STAG1: variants seen among roughly 807,000 people sequenced by gnomAD.
The protein encoded by STAG1 is cohesin subunit SA-1.
A neutral mutation model predicts 170.9 loss-of-function variants in STAG1; 26 were observed. The observed-to-expected ratio is 0.15, with a 90% CI of 0.11 to 0.21. The LOEUF (loss-of-function observed/expected upper bound fraction) is 0.21, where lower values mean the gene tolerates loss of function less well. Ranked by LOEUF, STAG1 falls within the 10% of genes least tolerant of loss-of-function variation. STAG1 has a pLI of 1.00. For synonymous variants in STAG1, 514 were observed against 497.7 expected (o/e 1.03, Z -0.44); for missense variants, 964 against 1,509.5 (o/e 0.64, Z 5.99).
chr3:136,545,413 C>G (rs533512013), intron 5 of STAG1, among the ~76,000 whole-genome samples: 1 of 152,100 alleles, frequency 6.6e-6, no homozygotes, highest in Non-Finnish European at 1.5e-5. Flanking sequence ...AAACAGCAAA[C>G]TGTAAATCAA....
chr3:136,631,081 G>T, intron 1 of STAG1, 100 bp from the exon 2 acceptor site: 1 of 560,750 alleles, frequency 1.8e-6, no homozygotes, highest in Non-Finnish European at 3.1e-6. Flanking sequence ...CACACTACTT[G>T]GCATTTACCC....
intron 7 of STAG1, among the ~76,000 whole-genome samples, chr3:136,506,968 T>C (rs1440017661): frequency 2.0e-5 from 3 of 152,246 alleles, no homozygotes; most frequent in Non-Finnish European, 4.4e-5. Context: ...TGCTATCATT[T>C]GTGCAAAAGA....
chr3:136,528,896 C>T (rs1290537429), intron 6 of STAG1, among the ~76,000 whole-genome samples: 1 of 151,792 alleles, frequency 6.6e-6, no homozygotes, highest in Non-Finnish European at 1.5e-5. Context: ...TGCCACTGCA[C>T]TCCAGTCTGT....
intron 2 of STAG1, among the ~76,000 whole-genome samples, chr3:136,628,510 G>A (rs113606471): frequency 2.6e-5 from 4 of 151,960 alleles, no homozygotes; most frequent in Non-Finnish European, 5.9e-5. Flanking sequence ...CAAACATATC[G>A]CAGGGTCCTT....
At chr3:136,532,356 A>G (rs1419577524) in intron 6 of STAG1, among the ~76,000 whole-genome samples, 1 of 152,058 alleles carries the variant, frequency 6.6e-6, no homozygotes, top group Non-Finnish European at 1.5e-5. Flanking sequence ...CTGTGGCCTT[A>G]TCTGGTTTTG....
intron 1 of STAG1, among the ~76,000 whole-genome samples, chr3:136,637,986 C>T (rs1940639826): frequency 6.6e-6 from 1 of 151,784 alleles, no homozygotes; most frequent in South Asian, 2.1e-4. Context: ...TGATCCTGGC[C>T]ACAGCCTCCA....
intron 1 of STAG1, among the ~76,000 whole-genome samples, chr3:136,672,353 A>G (rs3856637): frequency 0.29 from 43,801 of 152,230 alleles, 6,361 homozygotes; most frequent in Middle Eastern, 0.33. Flanking sequence ...AGTGAGGGTT[A>G]AATAATAAAA....
Position 136,481,949 on chromosome 3 carries a change from C to T in STAG1, c.903-4537G>A, listed in dbSNP as rs375705014. Among the ~76,000 whole-genome samples the T allele has an allele frequency of 4.2e-3, 234 of 56,010 alleles. 29 individuals carry two copies. Among genetic ancestry groups the T allele is most frequent in the African/African-American group, 0.013 (224 of 17,414 alleles). 36.7% of individuals were successfully genotyped at this position (56,010 alleles called of 152,430 possible). A position where few individuals can be genotyped will look rare whatever the true frequency, so the allele number is the denominator to read the frequency against. ...ATATCCCCTTTATCATTTTTTATTG[C>T]GTCTATTTGATTCTTCTCTTTTTTC... On this transcript the variant is annotated intron_variant, in intron 9 of 33. Coordinates refer to ENST00000383202, the MANE Select transcript of STAG1 (RefSeq NM_005862.3).
intron 1 of STAG1, among the ~76,000 whole-genome samples, chr3:136,666,348 C>T (rs1257363415): frequency 6.6e-6 from 1 of 152,040 alleles, no homozygotes; most frequent in Non-Finnish European, 1.5e-5. Flanking sequence ...GCCCTCTGAA[C>T]TTCAGACCTA....
Position 136,608,651 on chromosome 3 carries a change from T to C in STAG1, c.133-4178A>G, listed in dbSNP as rs1160997240. Among the ~76,000 whole-genome samples the C allele has an allele frequency of 0.01, 1,174 of 112,760 alleles. No homozygotes were observed. The Middle Eastern group carries it at 0.1, about 10-fold the overall frequency. The allele number at this position is 112,760 out of a possible 152,430, so 74.0% of individuals were successfully genotyped here. ...GCAACATGGCAAAAGCCCATCTCTA[T>C]AAAGTTAGCTAGGGTAGTAGTGTGT... On this transcript the variant is annotated intron_variant, in intron 3 of 33. Coordinates refer to ENST00000383202, the MANE Select transcript of STAG1 (RefSeq NM_005862.3).
At chr3:136,733,066 C>T (rs940209994) in intron 1 of STAG1, among the ~76,000 whole-genome samples, 1 of 149,322 alleles carries the variant, frequency 6.7e-6, no homozygotes, top group Non-Finnish European at 1.5e-5. Context: ...ACAATATAGT[C>T]TAGTGGTTAA....
intron 1 of STAG1, among the ~76,000 whole-genome samples, chr3:136,701,391 C>T (rs920299095): frequency 4.6e-5 from 7 of 152,052 alleles, no homozygotes; most frequent in Non-Finnish European, 1.0e-4. Flanking sequence ...CCACCACCAC[C>T]ATTCCCATCC....
intron 6 of STAG1, among the ~76,000 whole-genome samples, chr3:136,533,992 C>T (rs761894850): frequency 6.6e-6 from 1 of 152,126 alleles, no homozygotes; most frequent in Non-Finnish European, 1.5e-5. Context: ...GGCATTACAG[C>T]CTGACTTCAA....
intron 1 of STAG1, among the ~76,000 whole-genome samples, chr3:136,741,874 CAGTA>C (rs1934689580): frequency 1.3e-5 from 2 of 152,052 alleles, no homozygotes; most frequent in Non-Finnish European, 2.9e-5. Flanking sequence ...ATTATGGAAA[CAGTA>C]AGCTCAAGAT....
chr3:136,635,339 C>T (rs1367024222), intron 1 of STAG1, among the ~76,000 whole-genome samples: 2 of 152,072 alleles, frequency 1.3e-5, no homozygotes, highest in African/African-American at 2.4e-5. Flanking sequence ...TAATATAATA[C>T]ATCATATAAA....
At chr3:136,389,624 A>T (rs1355410542) in intron 22 of STAG1, among the ~76,000 whole-genome samples, 3 of 151,852 alleles carry the variant, frequency 2.0e-5, no homozygotes, top group Non-Finnish European at 2.9e-5. Context: ...GGTTCCAGCA[A>T]TTCTCCTGCC....
At chr3:136,657,653 C>T (rs1941435079) in intron 1 of STAG1, among the ~76,000 whole-genome samples, 1 of 152,134 alleles carries the variant, frequency 6.6e-6, no homozygotes, top group Non-Finnish European at 1.5e-5. Flanking sequence ...AATACCCTGT[C>T]TCTACTAAAA....
rs538613020 is a variant in STAG1, at chr3:136,342,105, C to T, written c.3447-554G>A. The stretch of plus-strand genomic sequence containing the variant: ...CACAATCTTGGCTCACTGCAACCTC[C>T]GCCTCCCTGGTTCAAGGGATTCTTC... On this transcript the variant is annotated intron_variant, in intron 30 of 33. Coordinates refer to ENST00000383202, the MANE Select transcript of STAG1 (RefSeq NM_005862.3). Among the ~76,000 whole-genome samples the T allele has an allele frequency of 2.7e-3, 398 of 148,718 alleles. 2 individuals are homozygous for T. The highest frequency in any genetic ancestry group is 7.8e-3 in the African/African-American group (313 of 40,366).
At position 136,657,423 on chromosome 3, in the gene STAG1, C is replaced by A. The variant is rs372524754; in HGVS notation, c.-83-26442G>T. Among the ~76,000 whole-genome samples the A allele has an allele frequency of 6.0e-4, 92 of 152,148 alleles. 1 individual carries two copies. In the South Asian group the frequency reaches 0.012, roughly 20 times the overall value. Reference sequence around the variant, plus strand: ...CATGCTGGTCTCAAACTCCTGACCTCAAATAATCCGCCTGCCTCAGCCTCC... The same window carrying A: ...CATGCTGGTCTCAAACTCCTGACCTAAAATAATCCGCCTGCCTCAGCCTCC... On this transcript the variant is annotated intron_variant, in intron 1 of 33. Transcript: ENST00000383202.
Sources: allele counts gnomAD v4.1 joint callset (sites outside exome capture counted in the v4.1 genomes callset), GRCh38; gene constraint gnomAD v4.1.1; transcripts MANE v1.5; gene names NCBI Gene and HGNC (gene_info 2026-07-23, HGNC 2026-07-21).